The following ERC2 variants were observed in gnomAD, a reference collection of about 807,000 sequenced individuals.
ERC2 encodes the protein ELKS/RAB6-interacting/CAST family member 2.
In ERC2, 42 loss-of-function variants were observed where a neutral mutation model predicts 114.8. That is an observed-to-expected ratio of 0.37 (90% CI 0.29 to 0.47). The LOEUF is 0.47. Ranked by LOEUF, ERC2 falls within the 20% of genes least tolerant of loss-of-function variation. ERC2 has a pLI of 0.99. For synonymous variants in ERC2, 454 were observed against 425.5 expected, an observed-to-expected ratio of 1.07 and a Z score of -0.82; for missense variants, 939 against 1,150.7, an observed-to-expected ratio of 0.82 and a Z score of 2.66.
At chr3:56,125,396 A>G (rs2079812682) in intron 6 of ERC2, among the ~76,000 whole-genome samples, 1 of 152,148 alleles carries the variant, frequency 6.6e-6, no homozygotes, top group South Asian at 2.1e-4. Flanking sequence ...ACTGATACCA[A>G]TGTGGGTAAA....
chr3:56,326,790 C>T (rs914517582), intron 2 of ERC2, among the ~76,000 whole-genome samples: 2 of 152,170 alleles, frequency 1.3e-5, no homozygotes, highest in Admixed American at 1.3e-4. Flanking sequence ...AGGCTAGAGG[C>T]TGTGCCAGGC....
chr3:56,024,933 C>T (rs2073951202), intron 7 of ERC2, among the ~76,000 whole-genome samples: 1 of 152,146 alleles, frequency 6.6e-6, no homozygotes, highest in Non-Finnish European at 1.5e-5. Context: ...ATACAGCATC[C>T]TAATATGCAA....
At chr3:56,041,095 A>AT (rs963441537) in intron 7 of ERC2, among the ~76,000 whole-genome samples, 1 of 151,414 alleles carries the variant, frequency 6.6e-6, no homozygotes, top group Non-Finnish European at 1.5e-5. Context: ...CAAAATTGTG[A>AT]TTTTTCTTGT....
intron 14 of ERC2, among the ~76,000 whole-genome samples, chr3:55,810,286 C>A (rs1181370237): frequency 6.6e-6 from 1 of 152,014 alleles, no homozygotes; most frequent in Non-Finnish European, 1.5e-5. Context: ...AAATAATTTT[C>A]AGACACTGGT....
chr3:56,425,018 A>T (rs2061512765), intron 2 of ERC2, among the ~76,000 whole-genome samples: 1 of 152,196 alleles, frequency 6.6e-6, no homozygotes, highest in African/African-American at 2.4e-5. Flanking sequence ...AGCCCTTAAA[A>T]CATTTGGAGA....
chr3:55,834,122 G>C, intron 14 of ERC2, among the ~76,000 whole-genome samples: 1 of 151,896 alleles, frequency 6.6e-6, no homozygotes, highest in African/African-American at 2.4e-5. Context: ...AGTCCTGAGT[G>C]ACCTACAAAG....
intron 2 of ERC2, among the ~76,000 whole-genome samples, chr3:56,334,253 G>A (rs779085519): frequency 6.6e-6 from 1 of 152,222 alleles, no homozygotes; most frequent in African/African-American, 2.4e-5. Flanking sequence ...AGGACTAAAG[G>A]AGGCCGACTG....
intron 5 of ERC2, among the ~76,000 whole-genome samples, chr3:56,142,898 A>G (rs779900952): frequency 1.2e-4 from 18 of 151,694 alleles, no homozygotes; most frequent in Non-Finnish European, 2.6e-4. Flanking sequence ...CCTTTAGAGA[A>G]TTTGCCTCTG....
intron 2 of ERC2, among the ~76,000 whole-genome samples, chr3:56,418,666 C>G (rs2061266412): frequency 1.3e-5 from 2 of 152,212 alleles, no homozygotes; most frequent in South Asian, 4.1e-4. Context: ...AAGTACTTTA[C>G]AAACCACACT....
intron 2 of ERC2, 174 bp downstream of exon 2, chr3:56,434,177 G>A (rs2061916739): frequency 3.3e-6 from 2 of 606,268 alleles, no homozygotes; most frequent in Non-Finnish European, 5.7e-6. Context: ...ATTACAAGCT[G>A]TAATGGTATA....
intron 4 of ERC2, among the ~76,000 whole-genome samples, chr3:56,161,739 C>T (rs1397714037): frequency 6.6e-6 from 1 of 152,116 alleles, no homozygotes; most frequent in East Asian, 1.9e-4. Flanking sequence ...GATTTTATTA[C>T]ATTGATTTTG....
At chr3:56,112,274 C>T (rs1033586419) in intron 6 of ERC2, among the ~76,000 whole-genome samples, 2 of 152,128 alleles carry the variant, frequency 1.3e-5, no homozygotes, top group African/African-American at 4.8e-5. Context: ...TGCTTTCTTG[C>T]CATTCCAAAG....
intron 4 of ERC2, among the ~76,000 whole-genome samples, chr3:56,166,262 C>T (rs981602321): frequency 8.5e-5 from 13 of 152,114 alleles, no homozygotes; most frequent in African/African-American, 3.1e-4. Context: ...ATTTATTTGT[C>T]ATTGAGTTCA....
At chr3:56,270,770 G>A (rs1345793488) in intron 3 of ERC2, among the ~76,000 whole-genome samples, 6 of 152,196 alleles carry the variant, frequency 3.9e-5, no homozygotes, top group African/African-American at 1.2e-4. Flanking sequence ...ACGAGGTCAG[G>A]AGATTGAGAC....
chr3:55,752,297 T>G (rs1032614838), intron 14 of ERC2, among the ~76,000 whole-genome samples: 2 of 152,192 alleles, frequency 1.3e-5, no homozygotes, highest in African/African-American at 4.8e-5. Context: ...GGTCTATTTC[T>G]ATGGTGTGCT....
chr3:55,987,437 C>T (rs557365505), intron 11 of ERC2, among the ~76,000 whole-genome samples: 1 of 152,334 alleles, frequency 6.6e-6, no homozygotes, highest in African/African-American at 2.4e-5. Flanking sequence ...CCGTGACCTT[C>T]CCCAAAAAGT....
At chr3:55,660,633 G>C (rs2148707446) in intron 17 of ERC2, among the ~76,000 whole-genome samples, 1 of 152,314 alleles carries the variant, frequency 6.6e-6, no homozygotes, top group Non-Finnish European at 1.5e-5. Context: ...TTTAGCAGGA[G>C]TTTAAATATC....
At chr3:56,446,596 A>C (rs1443143520) in intron 1 of ERC2, among the ~76,000 whole-genome samples, 1 of 146,874 alleles carries the variant, frequency 6.8e-6, no homozygotes, top group Non-Finnish European at 1.5e-5. Context: ...AAGTCAATAG[A>C]GGGCGCATTT....
chr3:55,928,762 C>T (rs1415648822), intron 13 of ERC2, among the ~76,000 whole-genome samples: 1 of 152,086 alleles, frequency 6.6e-6, no homozygotes, highest in Non-Finnish European at 1.5e-5. Context: ...TAAGTCTTTT[C>T]TACATTTTGA....
Sources: allele counts gnomAD v4.1 joint callset (sites outside exome capture counted in the v4.1 genomes callset), GRCh38; gene constraint gnomAD v4.1.1; transcripts MANE v1.5; gene names NCBI Gene and HGNC (gene_info 2026-07-23, HGNC 2026-07-21).